The following MYRIP variants were observed in gnomAD, a reference collection of about 807,000 sequenced individuals.
MYRIP encodes the protein rab effector MyRIP.
MYRIP carries 49 observed loss-of-function variants against 98.0 expected under a neutral mutation model. That is an observed-to-expected ratio of 0.50 (90% CI 0.40 to 0.63). The LOEUF (loss-of-function observed/expected upper bound fraction) is 0.63, where lower values mean the gene tolerates loss of function less well. Ranked by LOEUF, MYRIP falls within the 30% of genes least tolerant of loss-of-function variation. MYRIP has a pLI of 0.00. For missense variants in MYRIP, 1,004 were observed against 1,058.2 expected, an observed-to-expected ratio of 0.95 and a Z score of 0.71; for synonymous variants, 404 against 409.5, an observed-to-expected ratio of 0.99 and a Z score of 0.16.
intron 3 of MYRIP, among the ~76,000 whole-genome samples, chr3:40,148,306 G>C (rs1308892292): frequency 2.0e-5 from 3 of 152,166 alleles, no homozygotes; most frequent in Admixed American, 2.0e-4. Context: ...CAATTGGTAG[G>C]CCGTCTTAAC....
intron 4 of MYRIP, among the ~76,000 whole-genome samples, chr3:40,155,454 G>C (rs531869476): frequency 6.6e-6 from 1 of 152,070 alleles, no homozygotes; most frequent in African/African-American, 2.4e-5. Flanking sequence ...CTAAACATAC[G>C]TGTGCATGTG....
At chr3:40,211,773 T>A (rs1302341466) in intron 11 of MYRIP, among the ~76,000 whole-genome samples, 1 of 151,920 alleles carries the variant, frequency 6.6e-6, no homozygotes, top group Non-Finnish European at 1.5e-5. Context: ...AGGCTGTGAG[T>A]CATGCAACCT....
intron 2 of MYRIP, among the ~76,000 whole-genome samples, chr3:40,021,181 C>T (rs1304091606): frequency 6.6e-6 from 1 of 152,122 alleles, no homozygotes; most frequent in Non-Finnish European, 1.5e-5. Flanking sequence ...TTTTAAAAAA[C>T]ATTCTGTAGG....
chr3:40,256,703 TAAAAAG>T (rs1953602504), intron 16 of MYRIP, among the ~76,000 whole-genome samples: 1 of 151,552 alleles, frequency 6.6e-6, no homozygotes, highest in African/African-American at 2.4e-5. Flanking sequence ...ACTTAAGAAA[TAAAAAG>T]AAACTTAAAA....
chr3:39,959,647 A>T (rs1456678165), intron 2 of MYRIP, among the ~76,000 whole-genome samples: 1 of 151,430 alleles, frequency 6.6e-6, no homozygotes, highest in Non-Finnish European at 1.5e-5. Flanking sequence ...CATTGTGCAC[A>T]TGTACCCTAG....
At chr3:40,123,947 C>T (rs1949463307) in intron 3 of MYRIP, among the ~76,000 whole-genome samples, 1 of 152,172 alleles carries the variant, frequency 6.6e-6, no homozygotes, top group Non-Finnish European at 1.5e-5. Context: ...AGGGGGAGAA[C>T]TGGGTTGGTG....
intron 2 of MYRIP, among the ~76,000 whole-genome samples, chr3:39,902,077 C>T (rs1031678492): frequency 6.6e-6 from 1 of 152,160 alleles, no homozygotes; most frequent in Non-Finnish European, 1.5e-5. Flanking sequence ...TCAAGGACGT[C>T]CCCAAGGTTT....
At chr3:40,141,314 G>A (rs1177628316) in intron 3 of MYRIP, among the ~76,000 whole-genome samples, 3 of 151,728 alleles carry the variant, frequency 2.0e-5, no homozygotes, top group Admixed American at 6.6e-5. Context: ...TTGTTTTTTT[G>A]CTGTTGCTTC....
intron 12 of MYRIP, among the ~76,000 whole-genome samples, chr3:40,240,562 C>T (rs1221413276): frequency 1.3e-5 from 2 of 152,158 alleles, no homozygotes; most frequent in African/African-American, 4.8e-5. Flanking sequence ...GTCACTCCCA[C>T]CCGAATACTG....
At chr3:39,948,567 T>C (rs1308796450) in intron 2 of MYRIP, among the ~76,000 whole-genome samples, 1 of 151,970 alleles carries the variant, frequency 6.6e-6, no homozygotes, top group East Asian at 1.9e-4. Context: ...AGATTAAACA[T>C]TGGTGAAGAT....
chr3:40,044,045 C>T lies in MYRIP; in HGVS notation c.111-5C>T. On this transcript the variant is annotated splice_polypyrimidine_tract_variant and splice_region_variant and intron_variant, in intron 2 of 16. Coordinates refer to ENST00000302541, the MANE Select transcript of MYRIP (RefSeq NM_015460.4). ...CCTCCCATTTCCCCTACCTTGGTTTCCCAGTGAGCTGAAGCAGAAGCTGGA... is the reference window on the plus strand; with the variant it reads ...CCTCCCATTTCCCCTACCTTGGTTTTCCAGTGAGCTGAAGCAGAAGCTGGA... The T allele has an allele frequency of 1.2e-6, 2 of 1,613,116 alleles. No homozygotes were observed. Among genetic ancestry groups the T allele is most frequent in the Non-Finnish European group, 8.5e-7 (1 of 1,179,498 alleles).
chr3:40,192,455 C>A (rs1458911960), intron 10 of MYRIP, among the ~76,000 whole-genome samples: 1 of 150,520 alleles, frequency 6.6e-6, no homozygotes, highest in Non-Finnish European at 1.5e-5. Context: ...CCCTTGACCA[C>A]AACCCTAAAT....
intron 1 of MYRIP, among the ~76,000 whole-genome samples, chr3:39,898,247 ATAGCAT>A (rs1304555371): frequency 1.2e-4 from 19 of 152,202 alleles, no homozygotes; most frequent in Admixed American, 5.9e-4. Flanking sequence ...CTTTTGAGAA[ATAGCAT>A]TAATGGAGTG....
intron 12 of MYRIP, among the ~76,000 whole-genome samples, chr3:40,243,695 G>A (rs1206255459): frequency 6.6e-6 from 1 of 152,032 alleles, no homozygotes; most frequent in Non-Finnish European, 1.5e-5. Flanking sequence ...ATTCACCCTG[G>A]CCCACATCCC....
rs1941412881 is a variant in MYRIP, at chr3:39,830,629, C to T, written c.-31+20713C>T. Among the ~76,000 whole-genome samples, 4 of 152,146 alleles carry T rather than the reference C, an allele frequency of 2.6e-5. No individual in the cohort carries two copies. The South Asian group carries it at 6.2e-4, about 24-fold the overall frequency. ...TATGAAATGTCGCTCCACTCCCTAGCCCTGGAGCCCACCTTCTTCAAATAT... is the reference window on the plus strand; with the variant it reads ...TATGAAATGTCGCTCCACTCCCTAGTCCTGGAGCCCACCTTCTTCAAATAT... On this transcript the variant is annotated intron_variant, in intron 1 of 16. Coordinates refer to ENST00000302541, the MANE Select transcript of MYRIP (RefSeq NM_015460.4).
At chr3:39,951,500 T>G (rs911072513) in intron 2 of MYRIP, among the ~76,000 whole-genome samples, 4 of 152,190 alleles carry the variant, frequency 2.6e-5, no homozygotes, top group Non-Finnish European at 4.4e-5. Context: ...TTGCAGATCA[T>G]AAGCTCTCTG....
intron 2 of MYRIP, among the ~76,000 whole-genome samples, chr3:39,980,823 G>GCC (rs1460259730): frequency 6.6e-6 from 1 of 152,046 alleles, no homozygotes; most frequent in Non-Finnish European, 1.5e-5. Flanking sequence ...ATCTATAAGT[G>GCC]CCTAGAGTAG....
intron 1 of MYRIP, among the ~76,000 whole-genome samples, chr3:39,845,046 A>G (rs1195965565): frequency 2.0e-5 from 3 of 152,232 alleles, no homozygotes; most frequent in African/African-American, 7.2e-5. Context: ...TCCAAAATCC[A>G]AAAGAGCTCA....
At chr3:40,149,789 A>G (rs1950082093) in intron 3 of MYRIP, among the ~76,000 whole-genome samples, 1 of 152,180 alleles carries the variant, frequency 6.6e-6, no homozygotes, top group African/African-American at 2.4e-5. Context: ...TATCATTGCC[A>G]AAATCTCTGA....
Sources: gnomAD v4.1 joint callset for allele counts (sites outside exome capture counted in the v4.1 genomes callset) on GRCh38, gnomAD v4.1.1 for gene constraint, MANE v1.5 for transcripts, NCBI Gene and HGNC (gene_info 2026-07-23, HGNC 2026-07-21) for gene names.